The following HDAC9 variants were observed in gnomAD, a reference collection of about 807,000 sequenced individuals.
HDAC9 encodes the protein histone deacetylase 9.
Under a neutral mutation model 139.4 loss-of-function variants are expected in HDAC9, and 41 were observed. The ratio of observed to expected loss-of-function variants is 0.29; its 90% confidence interval spans 0.23 to 0.38. The LOEUF is 0.38. Among genes scored for constraint, HDAC9 ranks in the 10% least tolerant of loss-of-function variants. The pLI is 1.00. For missense variants in HDAC9, 1,147 were observed against 1,297.0 expected (o/e 0.88, Z 1.78); for synonymous variants, 517 against 476.2 (o/e 1.09, Z -1.12).
At chr7:18,833,695 G>A (rs1204188079) in intron 19 of HDAC9, among the ~76,000 whole-genome samples, 1 of 152,072 alleles carries the variant, frequency 6.6e-6, no homozygotes, top group Non-Finnish European at 1.5e-5. Context: ...TATGTCTTTA[G>A]CTGAAACAAC....
chr7:18,610,284 C>T (rs1168485377), intron 6 of HDAC9, among the ~76,000 whole-genome samples: 2 of 152,050 alleles, frequency 1.3e-5, no homozygotes, highest in Non-Finnish European at 2.9e-5. Context: ...TCCTAGTGTC[C>T]AGCTGCTTAG....
chr7:18,730,650 C>A (rs1785963891), intron 13 of HDAC9, among the ~76,000 whole-genome samples: 1 of 152,188 alleles, frequency 6.6e-6, no homozygotes, highest in African/African-American at 2.4e-5. Context: ...TCCATCTTAA[C>A]TAAGCACTTT....
intron 22 of HDAC9, among the ~76,000 whole-genome samples, chr7:18,880,844 G>C (rs1040866429): frequency 6.2e-4 from 2 of 3,218 alleles, no homozygotes; most frequent in African/African-American, 1.3e-3. Context: ...AATAGTTGCC[G>C]GGGGGGGGGG....
At chr7:18,362,794 C>T (rs1184406932) in intron 1 of HDAC9, among the ~76,000 whole-genome samples, 1 of 152,024 alleles carries the variant, frequency 6.6e-6, no homozygotes, top group Non-Finnish European at 1.5e-5. Context: ...ATTCATGAGT[C>T]TCATATTTGA....
At chr7:18,563,783 G>A (rs1286469025) in intron 2 of HDAC9, among the ~76,000 whole-genome samples, 1 of 148,658 alleles carries the variant, frequency 6.7e-6, no homozygotes, top group East Asian at 1.9e-4. Context: ...TAGGGTACAT[G>A]TGCACAACAT....
intron 1 of HDAC9, among the ~76,000 whole-genome samples, chr7:18,137,098 C>G (rs1424593085): frequency 6.8e-6 from 1 of 146,402 alleles, no homozygotes; most frequent in Non-Finnish European, 1.5e-5. Flanking sequence ...TGATTTGGCT[C>G]TCTGTTTGTC....
chr7:18,406,738 A>G (rs571742593), intron 1 of HDAC9, among the ~76,000 whole-genome samples: 108 of 152,198 alleles, frequency 7.1e-4, no homozygotes, highest in Non-Finnish European at 1.1e-3. Flanking sequence ...TTGGATGCCT[A>G]ATTTTGGTCT....
At chr7:18,575,966 G>A (rs139449657) in intron 2 of HDAC9, among the ~76,000 whole-genome samples, 1 of 152,274 alleles carries the variant, frequency 6.6e-6, no homozygotes, top group Non-Finnish European at 1.5e-5. Context: ...ACAAATGAAT[G>A]TTATGAAAAG....
rs571156485 is a variant in HDAC9 at position 18,757,846 on chromosome 7, C to G, written c.2044-4311C>G. Among the ~76,000 whole-genome samples the G allele has an allele frequency of 8.5e-5, 13 of 152,226 alleles. No homozygotes were observed. The South Asian group carries it at 1.2e-3, about 15-fold the overall frequency. ...TATAATCGGGATGCATTAACGGGCT[C>G]TCTTTCAGAAAGACTATTTCTTTAA... On this transcript the variant is annotated intron_variant, in intron 14 of 25. Transcript: ENST00000686413.
At chr7:18,645,189 T>A (rs1479232755) in intron 9 of HDAC9, among the ~76,000 whole-genome samples, 1 of 152,120 alleles carries the variant, frequency 6.6e-6, no homozygotes, top group East Asian at 1.9e-4. Context: ...GTGGCAGACC[T>A]GGAACACAAG....
intron 1 of HDAC9, among the ~76,000 whole-genome samples, chr7:18,118,581 T>C (rs1217864644): frequency 6.6e-6 from 1 of 152,212 alleles, no homozygotes; most frequent in Non-Finnish European, 1.5e-5. Flanking sequence ...AGGAATTTAA[T>C]GATATAGTTG....
intron 1 of HDAC9, among the ~76,000 whole-genome samples, chr7:18,295,720 G>T (rs556131633): frequency 1.3e-5 from 2 of 152,084 alleles, no homozygotes; most frequent in Non-Finnish European, 2.9e-5. Context: ...AACCATTTGC[G>T]TAGACCAGTA....
intron 1 of HDAC9, among the ~76,000 whole-genome samples, chr7:18,460,595 A>T (rs964943184): frequency 6.6e-6 from 1 of 151,760 alleles, no homozygotes; most frequent in Non-Finnish European, 1.5e-5. Flanking sequence ...GACCAGCCTG[A>T]CCAATATGGA....
At chr7:18,796,185 G>A (rs1472686004) in intron 17 of HDAC9, among the ~76,000 whole-genome samples, 2 of 152,112 alleles carry the variant, frequency 1.3e-5, no homozygotes, top group Non-Finnish European at 2.9e-5. Context: ...ATATAGTGTG[G>A]AAATAAGAGA....
chr7:18,839,815 T>C (rs1321965407), intron 21 of HDAC9, among the ~76,000 whole-genome samples: 1 of 152,060 alleles, frequency 6.6e-6, no homozygotes, highest in African/African-American at 2.4e-5. Context: ...CTACAGTCCA[T>C]TGATGAGGAT....
At chr7:18,833,910 T>G (rs543925154) in intron 19 of HDAC9, among the ~76,000 whole-genome samples, 1 of 152,328 alleles carries the variant, frequency 6.6e-6, no homozygotes, top group African/African-American at 2.4e-5. Context: ...ACAGGTCATA[T>G]AAGTCTCCTA....
intron 2 of HDAC9, chr7:18,496,561 G>A: frequency 5.8e-6 from 3 of 514,314 alleles, no homozygotes; most frequent in Non-Finnish European, 1.0e-5. Flanking sequence ...TGCTTCTGAT[G>A]AAAGATGAGA....
intron 14 of HDAC9, among the ~76,000 whole-genome samples, chr7:18,756,870 C>A (rs185332125): frequency 1.3e-5 from 2 of 151,802 alleles, no homozygotes; most frequent in African/African-American, 2.4e-5. Flanking sequence ...TTCTTTCACT[C>A]CCCAACCTTT....
intron 22 of HDAC9, among the ~76,000 whole-genome samples, chr7:18,891,604 GCTT>G (rs1297621306): frequency 6.6e-6 from 1 of 152,134 alleles, no homozygotes; most frequent in East Asian, 1.9e-4. Context: ...GGCAAGTCTG[GCTT>G]CTTAGTCTTT....
Sources: gnomAD v4.1 joint callset for allele counts (sites outside exome capture counted in the v4.1 genomes callset) on GRCh38, gnomAD v4.1.1 for gene constraint, MANE v1.5 for transcripts, NCBI Gene and HGNC (gene_info 2026-07-23, HGNC 2026-07-21) for gene names.